Variants in NAA15 observed in about 807,000 individuals in gnomAD.
The protein encoded by NAA15 is N-terminal acetyltransferase.
A neutral mutation model predicts 114.0 loss-of-function variants in NAA15; 34 were observed. The observed-to-expected ratio is 0.30, with a 90% CI of 0.23 to 0.40. The LOEUF (loss-of-function observed/expected upper bound fraction) is 0.40. Among genes scored for constraint, NAA15 ranks in the 10% least tolerant of loss-of-function variants. The probability of loss-of-function intolerance (pLI) is 1.00; values close to 1 mark genes in which losing one functional copy is unlikely to be tolerated. For synonymous variants in NAA15, 340 were observed against 338.0 expected (o/e 1.01, Z -0.06); for missense variants, 658 against 1,004.5 (o/e 0.66, Z 4.66).
In NAA15 at chr4:139,389,504, A is replaced by G. The variant is rs1265713930; in HGVS notation, c.*1420A>G. On this transcript the variant is annotated 3_prime_UTR_variant, in exon 20 of 20. Coordinates refer to ENST00000296543, the MANE Select transcript of NAA15 (RefSeq NM_057175.5). ...TGAAGTAGAATGCTGCTCCTGCATT[A>G]AGATTTCATTGAGGGCAAGGCTGGT... 2.0e-5 allele frequency: 3 copies of G among 152,594 alleles called. No homozygotes were observed. In the South Asian group the frequency reaches 6.2e-4, roughly 32 times the overall value. The allele number at this position is 152,594 out of a possible 1,614,324, so 9.5% of individuals were successfully genotyped here. A position where few individuals can be genotyped will look rare whatever the true frequency, so the allele number is the denominator to read the frequency against.
chr4:139,374,650 C>T (rs1399654145), intron 15 of NAA15, among the ~76,000 whole-genome samples: 1 of 152,022 alleles, frequency 6.6e-6, no homozygotes, highest in Middle Eastern at 3.2e-3. Context: ...TTACATGATT[C>T]CATGTATATA....
intron 1 of NAA15, among the ~76,000 whole-genome samples, chr4:139,303,460 A>G (rs1001943175): frequency 2.6e-5 from 4 of 152,160 alleles, no homozygotes; most frequent in Non-Finnish European, 5.9e-5. Flanking sequence ...CTCCCTATGT[A>G]TATGTATATA....
intron 19 of NAA15, 101 bp from the exon 20 acceptor site, chr4:139,387,783 A>G: frequency 1.1e-6 from 1 of 911,554 alleles, no homozygotes; most frequent in Non-Finnish European, 1.7e-6. Context: ...ATGTGTATTT[A>G]TTTCTTATTT....
At position 139,315,051 on chromosome 4, in the gene NAA15, G is replaced by GTTTAGTTTAGTTTAGTTTAGT. The variant is rs56861357; in HGVS notation, c.54+13222_54+13223insTAGTTTAGTTTAGTTTAGTTT. ...GTTAGGTTAGGTTAGGTTAGGTTAG[G>GTTTAGTTTAGTTTAGTTTAGT]TTAGTTTAGTTTAGTTTAGTTTAGT... On this transcript the variant is annotated intron_variant, in intron 1 of 19. Transcript: ENST00000296543. Among the ~76,000 whole-genome samples the GTTTAGTTTAGTTTAGTTTAGT allele has an allele frequency of 1.9e-3, 211 of 112,442 alleles. 19 individuals are homozygous for GTTTAGTTTAGTTTAGTTTAGT. The highest frequency in any genetic ancestry group is 6.1e-3 in the African/African-American group (181 of 29,462). The allele number at this position is 112,442 out of a possible 152,430, so 73.8% of individuals were successfully genotyped here. A position where few individuals can be genotyped will look rare whatever the true frequency, so the allele number is the denominator to read the frequency against.
At chr4:139,366,766 G>A (rs1748297457) in intron 14 of NAA15, among the ~76,000 whole-genome samples, 1 of 152,026 alleles carries the variant, frequency 6.6e-6, no homozygotes. Flanking sequence ...ATGCCACCAT[G>A]CCCAACTAAT....
chr4:139,358,747 A>G (rs1004660853), intron 11 of NAA15, among the ~76,000 whole-genome samples: 1 of 152,166 alleles, frequency 6.6e-6, no homozygotes, highest in Non-Finnish European at 1.5e-5. Context: ...GGTCCTAATC[A>G]GTAATGTTTC....
At chr4:139,360,211 T>C (rs1748089546) in intron 12 of NAA15, among the ~76,000 whole-genome samples, 1 of 152,160 alleles carries the variant, frequency 6.6e-6, no homozygotes, top group South Asian at 2.1e-4. Flanking sequence ...TATTAATCCC[T>C]ACCCTCAATT....
Position 139,370,240 on chromosome 4 carries a change from C to A in NAA15, c.1783C>A (p.Leu595Ile). 1 of 1,551,084 alleles carries A rather than the reference C, an allele frequency of 6.4e-7. No homozygotes were observed. Among genetic ancestry groups the A allele is most frequent in the Non-Finnish European group, 8.7e-7 (1 of 1,155,814 alleles). ...CATGTCTGACAAAGAGCTAAAGAAG[C>A]TACGTAATAAACAAAGAAGAGCTCA... ...ANMSDKELKKLRNKQRRAQKK... is the reference protein window; with the variant it reads ...ANMSDKELKKIRNKQRRAQKK... Residue 595 changes from leucine to isoleucine, a missense_variant, in exon 15 of 20, where the codon CTA becomes ATA. Around this residue, in one of 6 missense-constraint regions of NAA15, gnomAD observed 275 missense variants for 371.1 expected, o/e 0.74. Transcript: ENST00000296543.
chr4:139,324,031 G>A (rs1383619722), intron 1 of NAA15, among the ~76,000 whole-genome samples: 3 of 152,080 alleles, frequency 2.0e-5, no homozygotes, highest in Non-Finnish European at 4.4e-5. Context: ...CTACAGGTAT[G>A]TACCACCAGG....
intron 15 of NAA15, among the ~76,000 whole-genome samples, chr4:139,374,759 C>T (rs1376190375): frequency 6.6e-6 from 1 of 152,048 alleles, no homozygotes; most frequent in Non-Finnish European, 1.5e-5. Context: ...CTGACAAAGT[C>T]TTACCTATGA....
intron 14 of NAA15, among the ~76,000 whole-genome samples, chr4:139,369,409 T>C (rs1361466037): frequency 6.6e-6 from 1 of 152,220 alleles, no homozygotes; most frequent in African/African-American, 2.4e-5. Context: ...TTTTCTGAAG[T>C]GGTTCCGTTG....
chr4:139,355,278 T>C (rs1391342550), intron 10 of NAA15, among the ~76,000 whole-genome samples: 1 of 152,208 alleles, frequency 6.6e-6, no homozygotes, highest in East Asian at 1.9e-4. Flanking sequence ...TTTTGAAGTT[T>C]GTTGGAATGA....
intron 14 of NAA15, among the ~76,000 whole-genome samples, chr4:139,362,668 TG>T (rs1748169026): frequency 6.6e-6 from 1 of 152,294 alleles, no homozygotes; most frequent in East Asian, 1.9e-4. Flanking sequence ...AAAACCAGCT[TG>T]GGATAAAGCT....
chr4:139,378,544 T>A (rs1170081141), intron 16 of NAA15, among the ~76,000 whole-genome samples: 1 of 152,230 alleles, frequency 6.6e-6, no homozygotes, highest in Non-Finnish European at 1.5e-5. Flanking sequence ...CACCTAAATT[T>A]TCTACATTTC....
At position 139,351,299 on chromosome 4, in the gene NAA15, AATT is replaced by A. The variant is rs902705854; in HGVS notation, c.907+14_907+16del. The A allele has an allele frequency of 1.3e-6, 2 of 1,531,610 alleles. No homozygotes were observed. The highest frequency in any genetic ancestry group is 1.8e-6 in the Non-Finnish European group (2 of 1,109,308). The allele number at this position is 1,531,610 out of a possible 1,614,324, so 94.9% of individuals were successfully genotyped here. A position where few individuals can be genotyped will look rare whatever the true frequency, so the allele number is the denominator to read the frequency against. ...AACTTTTTATCTGGTAAGTGAGAAT[AATT>A]GCAAAGGAATAGAAATGCTTTTATG... On this transcript the variant is annotated intron_variant, in intron 8 of 19. Coordinates refer to ENST00000296543, the MANE Select transcript of NAA15 (RefSeq NM_057175.5).
chr4:139,385,285 TATATATATATATATA>T (rs1748872960), intron 18 of NAA15, among the ~76,000 whole-genome samples: 1 of 97,406 alleles, frequency 1.0e-5, no homozygotes, highest in Non-Finnish European at 2.3e-5. Context: ...ATATATATAA[TATATATATATATATA>T]ATATATATTA....
intron 15 of NAA15, among the ~76,000 whole-genome samples, chr4:139,371,497 G>GCGCA (rs1389164527): frequency 0.01 from 1,147 of 113,656 alleles, 22 homozygotes; most frequent in African/African-American, 0.031. Flanking sequence ...AAGAAAAGTA[G>GCGCA]CACACACACA....
At chr4:139,316,154 A>G (rs548558820) in intron 1 of NAA15, among the ~76,000 whole-genome samples, 7 of 151,964 alleles carry the variant, frequency 4.6e-5, no homozygotes, top group Non-Finnish European at 8.8e-5. Flanking sequence ...GATAAAGCTC[A>G]TCATCTAGTA....
At chr4:139,351,133 C>A in intron 7 of NAA15, 58 bp from the exon 8 acceptor site, 1 of 876,374 alleles carries the variant, frequency 1.1e-6, no homozygotes. Flanking sequence ...TCGTAATTTT[C>A]CAGAAAAAAT....
Sources: allele counts gnomAD v4.1 joint callset (sites outside exome capture counted in the v4.1 genomes callset), GRCh38; gene constraint gnomAD v4.1.1; regional missense constraint gnomAD v4.1.1; transcripts MANE v1.5; gene names NCBI Gene and HGNC (gene_info 2026-07-23, HGNC 2026-07-21).